FRMD6: variants seen among roughly 807,000 people sequenced by gnomAD.
The protein encoded by FRMD6 is FERM domain containing 6.
Under a neutral mutation model 73.2 loss-of-function variants are expected in FRMD6, and 37 were observed. The ratio of observed to expected loss-of-function variants is 0.51; its 90% CI spans 0.39 to 0.66. FRMD6 has a LOEUF of 0.66. FRMD6 is among the 30% of genes least tolerant of loss of function. FRMD6 has a pLI of 0.00. For missense variants in FRMD6, 714 were observed against 780.5 expected (o/e 0.91, Z 1.02); for synonymous variants, 273 against 282.2 (o/e 0.97, Z 0.33).
chr14:51,422,595 A>C, the FRMD6 span, among the ~76,000 whole-genome samples: 1 of 152,236 alleles, frequency 6.6e-6, no homozygotes, highest in Non-Finnish European at 1.5e-5. Flanking sequence ...TTATACAAGG[A>C]GAAATTTCCA....
At chr14:51,496,949 C>T (rs1883327996) in intron 1 of FRMD6, among the ~76,000 whole-genome samples, 1 of 152,202 alleles carries the variant, frequency 6.6e-6, no homozygotes, top group African/African-American at 2.4e-5. Flanking sequence ...TGCCTTCCAA[C>T]ATAGCATATC....
intron 2 of FRMD6, among the ~76,000 whole-genome samples, chr14:51,594,144 A>G (rs1889565478): frequency 1.3e-5 from 2 of 152,032 alleles, no homozygotes; most frequent in Middle Eastern, 3.2e-3. Context: ...TTTGTTTTTG[A>G]GATGAAGTCT....
intron 1 of FRMD6, among the ~76,000 whole-genome samples, chr14:51,686,630 G>T (rs1052023997): frequency 6.6e-6 from 1 of 151,948 alleles, no homozygotes; most frequent in Non-Finnish European, 1.5e-5. Context: ...TTGTTCCCTG[G>T]AAAATATGTT....
At chr14:51,654,532 T>C (rs1353872126) in intron 1 of FRMD6, among the ~76,000 whole-genome samples, 1 of 151,994 alleles carries the variant, frequency 6.6e-6, no homozygotes, top group Non-Finnish European at 1.5e-5. Flanking sequence ...AGGAATTCTT[T>C]GTAGTTTTCG....
chr14:51,473,671 A>C, the FRMD6 span, among the ~76,000 whole-genome samples: 1 of 152,134 alleles, frequency 6.6e-6, no homozygotes, highest in Non-Finnish European at 1.5e-5. Context: ...GCTCTATCTC[A>C]GGGAGTTTTC....
intron 2 of FRMD6, among the ~76,000 whole-genome samples, chr14:51,695,869 G>C (rs1040957216): frequency 6.6e-6 from 1 of 152,042 alleles, no homozygotes; most frequent in Non-Finnish European, 1.5e-5. Context: ...TACTACAGTC[G>C]GAATTATCAC....
intron 2 of FRMD6, among the ~76,000 whole-genome samples, chr14:51,616,393 T>C (rs1439836229): frequency 1.3e-5 from 2 of 152,194 alleles, no homozygotes; most frequent in East Asian, 1.9e-4. Context: ...GTTGCCCATG[T>C]TGAGAACTAC....
chr14:51,562,054 G>T (rs1887513350), intron 1 of FRMD6, among the ~76,000 whole-genome samples: 1 of 152,038 alleles, frequency 6.6e-6, no homozygotes, highest in African/African-American at 2.4e-5. Flanking sequence ...TTTTTTATCT[G>T]CCTTTTAGGG....
chr14:51,591,297 A>G (rs1170441878), intron 2 of FRMD6, among the ~76,000 whole-genome samples: 1 of 152,158 alleles, frequency 6.6e-6, no homozygotes, highest in Non-Finnish European at 1.5e-5. Context: ...AAACAAACAA[A>G]AAAAAACTTT....
chr14:51,615,288 C>G (rs962716272), intron 2 of FRMD6, among the ~76,000 whole-genome samples: 1 of 152,140 alleles, frequency 6.6e-6, no homozygotes, highest in Non-Finnish European at 1.5e-5. Flanking sequence ...TATTAAGAGA[C>G]AAGCCACATT....
At chr14:51,600,236 C>T (rs376403521) in intron 2 of FRMD6, among the ~76,000 whole-genome samples, 8 of 152,062 alleles carry the variant, frequency 5.3e-5, no homozygotes, top group Admixed American at 5.2e-4. Context: ...GAAATACGGT[C>T]GATAGCAAAA....
chr14:51,620,269 A>T (rs987482638), intron 2 of FRMD6, among the ~76,000 whole-genome samples: 3 of 152,204 alleles, frequency 2.0e-5, no homozygotes, highest in African/African-American at 7.2e-5. Flanking sequence ...TCTAGAATTT[A>T]CAACTGGATG....
In FRMD6 at chr14:51,727,853, A is replaced by T. The variant is rs35908845; in HGVS notation, c.1693A>T (p.Thr565Ser). 4.6e-4 allele frequency: 746 copies of T among 1,614,224 alleles called. 1 individual carries two copies. The African/African-American group carries it at 7.9e-3, about 17-fold the overall frequency. Residue 565 changes from threonine (T) to serine (S), a missense_variant, in exon 14 of 14, where the codon ACT becomes TCT. Transcript: ENST00000344768. ...FLRIAGLCQDTAQSYTFGCGH... is the reference protein window; with the variant it reads ...FLRIAGLCQDSAQSYTFGCGH... The stretch of plus-strand genomic sequence containing the variant: ...GCGCATTGCAGGTCTGTGTCAGGAC[A>T]CTGCTCAGAGTTACACCTTTGGATG...
rs571302121 is a variant in FRMD6 at position 51,557,056 on chromosome 14, G to A, written c.-209-13292G>A. 1.7e-4 allele frequency among the ~76,000 whole-genome samples: 26 copies of A among 152,206 alleles called. 1 individual carries two copies. Among genetic ancestry groups the A allele is most frequent in the South Asian group, 8.3e-4 (4 of 4,820 alleles). ...AATCCCAGCTATTCTGAGGCTGAGC[G>A]GGGAGGATTGCTTGAGCCCTAGAAT... is the stretch of plus-strand genomic sequence containing the variant. On this transcript the variant is annotated intron_variant, in intron 1 of 14. Transcript: ENST00000356218.
intron 2 of FRMD6, among the ~76,000 whole-genome samples, chr14:51,630,501 G>A (rs1051535677): frequency 2.2e-4 from 33 of 152,152 alleles, no homozygotes; most frequent in African/African-American, 7.7e-4. Flanking sequence ...TGAAATGCCA[G>A]CACTTTGGGA....
chr14:51,476,141 T>G, the FRMD6 span, among the ~76,000 whole-genome samples: 1 of 152,168 alleles, frequency 6.6e-6, no homozygotes, highest in Non-Finnish European at 1.5e-5. Flanking sequence ...TTTCTCTCTT[T>G]CCACATCCAT....
At chr14:51,564,144 C>T (rs1426972658) in intron 1 of FRMD6, among the ~76,000 whole-genome samples, 1 of 152,188 alleles carries the variant, frequency 6.6e-6, no homozygotes, top group African/African-American at 2.4e-5. Context: ...ACGAGCCTCC[C>T]TTGGTCATGT....
the FRMD6 span, among the ~76,000 whole-genome samples, chr14:51,450,889 C>T: frequency 6.6e-6 from 1 of 152,178 alleles, no homozygotes. Context: ...TGTGTGTACT[C>T]CTGTGAACTT....
chr14:51,570,384 G>C (rs577714872), exon 2 of FRMD6: 1 of 152,008 alleles, frequency 6.6e-6, no homozygotes, highest in East Asian at 1.9e-4. Flanking sequence ...AGCTTCTTCT[G>C]GTTGGAAACT....
Sources: gnomAD v4.1 joint callset for allele counts (sites outside exome capture counted in the v4.1 genomes callset) on GRCh38, gnomAD v4.1.1 for gene constraint, MANE v1.5 for transcripts, NCBI Gene and HGNC (gene_info 2026-07-23, HGNC 2026-07-21) for gene names.